PARD3B: variants seen among roughly 807,000 people sequenced by gnomAD.
PARD3B encodes the protein partitioning defective 3 homolog B.
PARD3B carries 103 observed loss-of-function variants against 130.2 expected under a neutral mutation model. The ratio of observed to expected loss-of-function variants is 0.79; its 90% CI spans 0.67 to 0.93. PARD3B has a LOEUF of 0.93. Ranked by LOEUF, PARD3B falls within the 40% of genes least tolerant of loss-of-function variation. The pLI, the probability that PARD3B is intolerant of heterozygous loss-of-function variation, is 0.00. For missense variants in PARD3B, 1,609 were observed against 1,499.2 expected (o/e 1.07, Z -1.21); for synonymous variants, 583 against 553.2 (o/e 1.05, Z -0.76).
intron 3 of PARD3B, among the ~76,000 whole-genome samples, chr2:205,001,759 A>G (rs1290198648): frequency 6.6e-6 from 1 of 152,198 alleles, no homozygotes; most frequent in African/African-American, 2.4e-5. Context: ...GGCAAACACC[A>G]CACGGTTGCA....
At chr2:205,354,026 CTTTTTTTTTT>C (rs869308018) in intron 18 of PARD3B, among the ~76,000 whole-genome samples, 11,439 of 50,398 alleles carry the variant, frequency 0.23, 717 homozygotes, top group East Asian at 0.53. Context: ...TTTTCTTTTC[CTTTTTTTTTT>C]TTTTTTTTTT....
chr2:205,214,460 T>C (rs2037808834), intron 15 of PARD3B, among the ~76,000 whole-genome samples: 1 of 151,028 alleles, frequency 6.6e-6, no homozygotes, highest in African/African-American at 2.4e-5. Context: ...ACAGTATTAG[T>C]TGTCACGAAA....
In PARD3B at chr2:205,513,973, C is replaced by T. The variant is rs576709770; in HGVS notation, c.3180+13942C>T. 2.6e-5 allele frequency among the ~76,000 whole-genome samples: 4 copies of T among 152,036 alleles called. No individual in the cohort carries two copies. The South Asian group carries it at 6.2e-4, about 24-fold the overall frequency. The stretch of plus-strand genomic sequence containing the variant: ...TTGTCTGCATTTAGGGCTGTCTGTC[C>T]GCCTCCAAAGTAAGCTACTAAATCT... On this transcript the variant is annotated intron_variant, in intron 21 of 22. Transcript: ENST00000406610.
chr2:205,037,996 T>A (rs1219166445), intron 3 of PARD3B, among the ~76,000 whole-genome samples: 1 of 152,120 alleles, frequency 6.6e-6, no homozygotes, highest in Non-Finnish European at 1.5e-5. Context: ...AAATAGAGAT[T>A]GTTTATAATT....
Position 205,552,073 on chromosome 2 carries a change from C to G in PARD3B, c.3181-1251C>G, listed in dbSNP as rs182093390. Among the ~76,000 whole-genome samples, 6 of 152,256 alleles carry G rather than the reference C, an allele frequency of 3.9e-5. No individual in the cohort carries two copies. The East Asian group carries it at 1.2e-3, about 29-fold the overall frequency. On this transcript the variant is annotated intron_variant, in intron 21 of 22. Coordinates refer to ENST00000406610, the MANE Select transcript of PARD3B (RefSeq NM_001302769.2). The stretch of plus-strand genomic sequence containing the variant: ...CTGTTTTTAGTTGGCATGATAGCTA[C>G]AGAACAATGAGATACAATATCTTGT...
At position 205,473,401 on chromosome 2, in the gene PARD3B, C is replaced by T. The variant is rs1308001296; in HGVS notation, c.3045-26495C>T. ...GTAATGAGATTCTGTGTTATGGTAGCTGTCACATCTTGTCTCAGCCCATTG... is the reference window on the plus strand; with the variant it reads ...GTAATGAGATTCTGTGTTATGGTAGTTGTCACATCTTGTCTCAGCCCATTG... On this transcript the variant is annotated intron_variant, in intron 20 of 22. Coordinates refer to ENST00000406610, the MANE Select transcript of PARD3B (RefSeq NM_001302769.2). The surrounding 1 kb of genome is among the most constrained non-coding windows in gnomAD (Gnocchi z 4.9). Among the ~76,000 whole-genome samples, 2 of 151,944 alleles carry T rather than the reference C, an allele frequency of 1.3e-5. No individual in the cohort carries two copies. Among genetic ancestry groups the T allele is most frequent in the African/African-American group, 4.8e-5 (2 of 41,404 alleles).
At position 205,051,711 on chromosome 2, in the gene PARD3B, A is replaced by G. The variant is rs1419876596; in HGVS notation, c.504+4021A>G. Reference sequence around the variant, plus strand: ...ATTTATTACAAATTGGTTATTTAAGATGTACACTCTCAGACATGCTGGAGT... The same window carrying G: ...ATTTATTACAAATTGGTTATTTAAGGTGTACACTCTCAGACATGCTGGAGT... On this transcript the variant is annotated intron_variant, in intron 4 of 22. Coordinates refer to ENST00000406610, the MANE Select transcript of PARD3B (RefSeq NM_001302769.2). Among the ~76,000 whole-genome samples, 4 of 152,316 alleles carry G rather than the reference A, an allele frequency of 2.6e-5. No individual in the cohort carries two copies. The East Asian group carries it at 7.7e-4, about 29-fold the overall frequency.
intron 22 of PARD3B, among the ~76,000 whole-genome samples, chr2:205,571,354 G>A (rs2053554994): frequency 6.6e-6 from 1 of 152,200 alleles, no homozygotes; most frequent in South Asian, 2.1e-4. Flanking sequence ...AAGATGGAAT[G>A]AGCTAACCTG....
At chr2:204,779,186 C>T (rs73982509) in intron 2 of PARD3B, among the ~76,000 whole-genome samples, 2,376 of 152,194 alleles carry the variant, frequency 0.016, 46 homozygotes, top group African/African-American at 0.053. Flanking sequence ...TGCCATCATC[C>T]CCTGGACCAG....
intron 2 of PARD3B, among the ~76,000 whole-genome samples, chr2:204,871,638 A>G (rs570675649): frequency 3.9e-4 from 59 of 152,260 alleles, no homozygotes; most frequent in African/African-American, 1.4e-3. Context: ...TATTCTTTTT[A>G]ATCAGTGTTA....
At chr2:205,155,077 T>C in intron 10 of PARD3B, among the ~76,000 whole-genome samples, 1 of 151,904 alleles carries the variant, frequency 6.6e-6, no homozygotes, top group East Asian at 1.9e-4. Context: ...AAAAAACAAA[T>C]TTAGGTTATT....
chr2:205,566,595 G>A (rs555726728), intron 22 of PARD3B, among the ~76,000 whole-genome samples: 42 of 152,316 alleles, frequency 2.8e-4, no homozygotes, highest in South Asian at 1.9e-3. Context: ...GGACATGTTA[G>A]ATTTGAGGTA....
At chr2:205,493,741 T>C (rs1415617217) in intron 20 of PARD3B, among the ~76,000 whole-genome samples, 1 of 145,468 alleles carries the variant, frequency 6.9e-6, no homozygotes. Flanking sequence ...TTTATTTATT[T>C]ATTTATTTAT....
Position 205,281,649 on chromosome 2 carries a change from ACT to A in PARD3B, c.2186-18880_2186-18879del, listed in dbSNP as rs2105838721. ...AGTAAAAACTTTCCAGAATGTCAGT[ACT>A]TTACTTTTCTAAGACACTATATAAC... On this transcript the variant is annotated intron_variant, in intron 16 of 22. Transcript: ENST00000406610. The surrounding 1 kb of genome is among the most constrained non-coding windows in gnomAD (Gnocchi z 4.2). Among the ~76,000 whole-genome samples the A allele has an allele frequency of 6.6e-6, 1 of 152,338 alleles. No homozygotes were observed. The highest frequency in any genetic ancestry group is 2.4e-5 in the African/African-American group (1 of 41,588).
chr2:204,619,207 T>C (rs2034212562), intron 1 of PARD3B, among the ~76,000 whole-genome samples: 1 of 152,158 alleles, frequency 6.6e-6, no homozygotes, highest in African/African-American at 2.4e-5. Flanking sequence ...CTTCTGGACA[T>C]CACTTCACAT....
At chr2:205,518,883 T>TTTTTC (rs1356672424) in intron 21 of PARD3B, among the ~76,000 whole-genome samples, 1 of 152,188 alleles carries the variant, frequency 6.6e-6, no homozygotes, top group Non-Finnish European at 1.5e-5. Flanking sequence ...GTTGAAGATT[T>TTTTTC]TTTTCTTTCA....
At chr2:204,622,042 A>G (rs1375366571) in intron 1 of PARD3B, among the ~76,000 whole-genome samples, 2 of 152,164 alleles carry the variant, frequency 1.3e-5, no homozygotes, top group Non-Finnish European at 2.9e-5. Flanking sequence ...AGAGTACACT[A>G]TGGCTTCACA....
intron 20 of PARD3B, among the ~76,000 whole-genome samples, chr2:205,476,168 G>A (rs2049014572): frequency 1.3e-5 from 2 of 152,126 alleles, no homozygotes; most frequent in Admixed American, 6.5e-5. Flanking sequence ...TGGACAAGCA[G>A]TGGAAAGAAC....
At position 204,914,630 on chromosome 2, in the gene PARD3B, A is replaced by T. The variant is rs1323445452; in HGVS notation, c.223-50522A>T. Among the ~76,000 whole-genome samples the T allele has an allele frequency of 2.0e-5, 3 of 152,322 alleles. No homozygotes were observed. In the East Asian group the frequency reaches 5.8e-4, roughly 29 times the overall value. On this transcript the variant is annotated intron_variant, in intron 2 of 22. Transcript: ENST00000406610. Reference sequence around the variant, plus strand: ...ATCATGTAGGAATTGTTCGAAAACCAGTAAGAAACCTCCTGTGGACCCCAG... The same window carrying T: ...ATCATGTAGGAATTGTTCGAAAACCTGTAAGAAACCTCCTGTGGACCCCAG...
Sources: gnomAD v4.1 joint callset for allele counts (sites outside exome capture counted in the v4.1 genomes callset) on GRCh38, gnomAD v4.1.1 for gene constraint, Gnocchi (gnomAD v3.1) non-coding constraint, MANE v1.5 for transcripts, NCBI Gene and HGNC (gene_info 2026-07-23, HGNC 2026-07-21) for gene names.